Variants in NFIB observed in about 807,000 individuals in gnomAD.
The protein encoded by NFIB is nuclear factor I B.
NFIB carries 11 observed loss-of-function variants against 61.5 expected under a neutral mutation model. That is an observed-to-expected ratio of 0.18 (90% CI 0.11 to 0.30). NFIB has a LOEUF of 0.30. Among genes scored for constraint, NFIB ranks in the 10% least tolerant of loss-of-function variants. NFIB has a pLI of 1.00. For missense variants in NFIB, 471 were observed against 608.9 expected, an observed-to-expected ratio of 0.77 and a Z score of 2.38; for synonymous variants, 260 against 216.5, an observed-to-expected ratio of 1.20 and a Z score of -1.76.
At chr9:14,458,647 C>G in the NFIB span, among the ~76,000 whole-genome samples, 3 of 152,168 alleles carry the variant, frequency 2.0e-5, no homozygotes, top group Non-Finnish European at 4.4e-5. Context: ...TCTTCTTAAG[C>G]TGATAAGCAA....
the NFIB span, among the ~76,000 whole-genome samples, chr9:14,447,292 G>T: frequency 6.6e-6 from 1 of 152,092 alleles, no homozygotes; most frequent in Non-Finnish European, 1.5e-5. Context: ...TATTGCTCAT[G>T]GTGCATTATT....
At chr9:14,388,465 AAAAGAGAGAGAGAGAGAG>A (rs995353336) in intron 1 of NFIB, among the ~76,000 whole-genome samples, 11 of 147,490 alleles carry the variant, frequency 7.5e-5, no homozygotes, top group Admixed American at 2.0e-4. Context: ...GAGAGAAAGA[AAAAGAGAGAGAGAGAGAG>A]AAAGAGAGAG....
chr9:14,115,833 C>A (rs937523945), intron 9 of NFIB, among the ~76,000 whole-genome samples: 1 of 152,194 alleles, frequency 6.6e-6, no homozygotes, highest in Non-Finnish European at 1.5e-5. Context: ...CCAATAAGTA[C>A]CAATTACCTA....
chr9:14,488,536 T>G, the NFIB span, among the ~76,000 whole-genome samples: 2 of 152,170 alleles, frequency 1.3e-5, no homozygotes, highest in African/African-American at 4.8e-5. Flanking sequence ...ATAATTTTCA[T>G]GCCACCCTAT....
At chr9:14,243,706 A>C (rs938900006) in intron 2 of NFIB, among the ~76,000 whole-genome samples, 9 of 152,150 alleles carry the variant, frequency 5.9e-5, no homozygotes, top group African/African-American at 1.7e-4. Context: ...TCTTCGTAAA[A>C]GTTCGTCCTA....
the NFIB span, among the ~76,000 whole-genome samples, chr9:14,412,959 T>A: frequency 6.6e-6 from 1 of 152,090 alleles, no homozygotes; most frequent in Non-Finnish European, 1.5e-5. Context: ...CCCTGCCCAC[T>A]CCAGAAGAGC....
chr9:14,321,699 T>G (rs186035774), intron 1 of NFIB, among the ~76,000 whole-genome samples: 9 of 152,198 alleles, frequency 5.9e-5, no homozygotes, highest in African/African-American at 2.2e-4. Context: ...ATTCCCGTCA[T>G]AAGAGTGTGT....
At chr9:14,294,345 G>C (rs570767844) in intron 2 of NFIB, among the ~76,000 whole-genome samples, 5 of 152,266 alleles carry the variant, frequency 3.3e-5, no homozygotes, top group African/African-American at 1.2e-4. Flanking sequence ...GGCTATGAAA[G>C]GCAACTAGAA....
At chr9:14,225,037 A>G (rs1057498580) in intron 2 of NFIB, among the ~76,000 whole-genome samples, 14 of 152,018 alleles carry the variant, frequency 9.2e-5, no homozygotes, top group Non-Finnish European at 1.9e-4. Flanking sequence ...TCATCCTACA[A>G]AACTGCAACT....
chr9:14,484,230 A>G, the NFIB span, among the ~76,000 whole-genome samples: 1 of 152,226 alleles, frequency 6.6e-6, no homozygotes, highest in Non-Finnish European at 1.5e-5. Flanking sequence ...AGTGAACTAA[A>G]CAGACAAAAT....
At position 14,307,652 on chromosome 9, in the gene NFIB, T is replaced by C; in HGVS notation, c.31-132A>G. 4.6e-6 allele frequency: 4 copies of C among 875,728 alleles called. No individual in the cohort carries two copies. Among genetic ancestry groups the C allele is most frequent in the Non-Finnish European group, 6.6e-6 (4 of 608,998 alleles). The allele number at this position is 875,728 out of a possible 1,614,324, so 54.2% of individuals were successfully genotyped here. A position where few individuals can be genotyped will look rare whatever the true frequency, so the allele number is the denominator to read the frequency against. On this transcript the variant is annotated intron_variant, in intron 1 of 10. Coordinates refer to ENST00000380953, the MANE Select transcript of NFIB (RefSeq NM_001190737.2). This position sits in a 1 kb window ranked among gnomAD's most constrained non-coding sequence, Gnocchi z 5.3. ...AAGTTATACATGAAAATAACATTCC[T>C]TTCTTATTTAAAATTATCAAAATAA...
chr9:14,468,550 A>AGTGTGTAAAAATTGCT, the NFIB span, among the ~76,000 whole-genome samples: 1 of 152,124 alleles, frequency 6.6e-6, no homozygotes, highest in African/African-American at 2.4e-5. Flanking sequence ...ACTATTTCTG[A>AGTGTGTAAAAATTGCT]GTGTGTAAAA....
chr9:14,196,357 G>A (rs546754994), intron 2 of NFIB, among the ~76,000 whole-genome samples: 1 of 152,170 alleles, frequency 6.6e-6, no homozygotes, highest in South Asian at 2.1e-4. Context: ...TTTATGTTTT[G>A]CCTAATTTTT....
intron 1 of NFIB, among the ~76,000 whole-genome samples, chr9:14,372,704 T>C (rs76990739): frequency 0.059 from 9,017 of 152,234 alleles, 327 homozygotes; most frequent in Non-Finnish European, 0.086. Flanking sequence ...TTATAACATG[T>C]GGTCCAGCGG....
the NFIB span, among the ~76,000 whole-genome samples, chr9:14,432,503 G>A: frequency 2.0e-5 from 3 of 152,184 alleles, no homozygotes; most frequent in Non-Finnish European, 4.4e-5. Flanking sequence ...GAAATTCATT[G>A]CACTTTCAGC....
intron 1 of NFIB, among the ~76,000 whole-genome samples, chr9:14,344,416 G>GC (rs982111968): frequency 2.6e-5 from 4 of 151,780 alleles, no homozygotes; most frequent in African/African-American, 9.7e-5. Context: ...TCAGAAGGGG[G>GC]GGGTAGAGGG....
the NFIB span, among the ~76,000 whole-genome samples, chr9:14,521,152 T>C: frequency 6.6e-6 from 1 of 152,198 alleles, no homozygotes; most frequent in African/African-American, 2.4e-5. Flanking sequence ...GATTCAGAAG[T>C]TCTCCACCCT....
At chr9:14,129,759 T>G (rs1038428681) in intron 6 of NFIB, among the ~76,000 whole-genome samples, 7 of 152,064 alleles carry the variant, frequency 4.6e-5, no homozygotes, top group African/African-American at 1.4e-4. Context: ...AAAGATTAAG[T>G]TGAAAATAAG....
At chr9:14,396,827 T>C (rs2061692080) in intron 1 of NFIB, among the ~76,000 whole-genome samples, 2 of 152,178 alleles carry the variant, frequency 1.3e-5, no homozygotes, top group South Asian at 4.1e-4. Flanking sequence ...CCCAGTATCA[T>C]TCTCTGTAGC....
Sources: allele counts gnomAD v4.1 joint callset (sites outside exome capture counted in the v4.1 genomes callset), GRCh38; gene constraint gnomAD v4.1.1; non-coding constraint Gnocchi (gnomAD v3.1); transcripts MANE v1.5; gene names NCBI Gene and HGNC (gene_info 2026-07-23, HGNC 2026-07-21).